Variants in SHQ1 observed in about 807,000 individuals in gnomAD.
SHQ1 encodes SHQ1, H/ACA ribonucleoprotein assembly factor.
Under a neutral mutation model 53.8 loss-of-function variants are expected in SHQ1, and 49 were observed. The ratio of observed to expected loss-of-function variants is 0.91; its 90% CI spans 0.72 to 1.16. The LOEUF is 1.16. SHQ1 is among the 50% of genes most tolerant of loss of function. The pLI is 0.00. For missense variants in SHQ1, 738 were observed against 683.1 expected (o/e 1.08, Z -0.90); for synonymous variants, 243 against 251.0 (o/e 0.97, Z 0.30).
intron 4 of SHQ1, among the ~76,000 whole-genome samples, chr3:72,835,686 T>C (rs1707972223): frequency 6.6e-6 from 1 of 152,174 alleles, no homozygotes; most frequent in African/African-American, 2.4e-5. Context: ...CAACCCCATG[T>C]TCACCGTCCT....
chr3:72,815,459 T>C lies in SHQ1; in HGVS notation c.883-56A>G, dbSNP rs77602064. The C allele has an allele frequency of 2.9e-3, 3,907 of 1,353,182 alleles. 74 individuals carry two copies. The African/African-American group carries it at 0.048, about 16-fold the overall frequency. 83.8% of individuals were successfully genotyped at this position (1,353,182 alleles called of 1,614,324 possible). ...CACATTAGAGGTGAAGTCATTTAAA[T>C]AGACCAAACAAATCCATTTATTCAA... On this transcript the variant is annotated intron_variant, in intron 7 of 10. Transcript: ENST00000325599.
chr3:72,837,599 T>C (rs2106944060), intron 4 of SHQ1, among the ~76,000 whole-genome samples: 1 of 152,356 alleles, frequency 6.6e-6, no homozygotes, highest in Non-Finnish European at 1.5e-5. Context: ...TCTCTTCATC[T>C]ATAGGCAGAA....
At chr3:72,734,536 G>A in the SHQ1 span, among the ~76,000 whole-genome samples, 136 of 151,610 alleles carry the variant, frequency 9.0e-4, 3 homozygotes, top group Non-Finnish European at 1.6e-3. Context: ...GATTGCAGGC[G>A]TGAGCCACTG....
chr3:72,737,426 G>A, the SHQ1 span, among the ~76,000 whole-genome samples: 1 of 152,070 alleles, frequency 6.6e-6, no homozygotes. Context: ...GGGGAAAGAT[G>A]CATCTTTGGG....
chr3:72,737,531 C>G, the SHQ1 span, among the ~76,000 whole-genome samples: 1 of 152,116 alleles, frequency 6.6e-6, no homozygotes, highest in Non-Finnish European at 1.5e-5. Context: ...GCGATTGGTT[C>G]CAGGACCCCC....
intron 9 of SHQ1, among the ~76,000 whole-genome samples, chr3:72,796,867 AT>A (rs1156425308): frequency 6.8e-6 from 1 of 147,438 alleles, no homozygotes; most frequent in South Asian, 2.1e-4. Context: ...ATGTCAAAAT[AT>A]TTTTTTAATT....
At chr3:72,739,144 G>C in the SHQ1 span, among the ~76,000 whole-genome samples, 1 of 152,226 alleles carries the variant, frequency 6.6e-6, no homozygotes, top group African/African-American at 2.4e-5. Context: ...TTGGCTTTCC[G>C]GGCCCTCGAG....
At chr3:72,778,702 A>C (rs923896442) in intron 10 of SHQ1, among the ~76,000 whole-genome samples, 5 of 152,228 alleles carry the variant, frequency 3.3e-5, no homozygotes, top group Non-Finnish European at 7.3e-5. Context: ...TAGTTCATTA[A>C]ATAATAAAGG....
chr3:72,757,201 T>C (rs193007518), intron 10 of SHQ1, among the ~76,000 whole-genome samples: 11 of 152,270 alleles, frequency 7.2e-5, no homozygotes, highest in Admixed American at 5.2e-4. Flanking sequence ...CTGCCAGGCA[T>C]GACATACTGA....
At chr3:72,781,053 C>CT (rs1289843504) in intron 10 of SHQ1, among the ~76,000 whole-genome samples, 1,681 of 141,614 alleles carry the variant, frequency 0.012, 29 homozygotes, top group African/African-American at 0.04. Flanking sequence ...ATTTTCTTCT[C>CT]TTTTTTTTTT....
chr3:72,744,316 G>A (rs1472627708), downstream of SHQ1, among the ~76,000 whole-genome samples: 1 of 152,194 alleles, frequency 6.6e-6, no homozygotes, highest in Non-Finnish European at 1.5e-5. Flanking sequence ...TATGGAGACA[G>A]AGCATTTGGA....
At chr3:72,739,266 C>T in the SHQ1 span, among the ~76,000 whole-genome samples, 58 of 152,314 alleles carry the variant, frequency 3.8e-4, no homozygotes, top group African/African-American at 1.3e-3. Context: ...GCCCCTCCCG[C>T]CCCCAGTACA....
chr3:72,836,562 T>C (rs950091106), intron 4 of SHQ1, among the ~76,000 whole-genome samples: 3 of 152,080 alleles, frequency 2.0e-5, no homozygotes, highest in Admixed American at 6.5e-5. Flanking sequence ...GCCTCCACTA[T>C]AGTCATGCAA....
chr3:72,738,555 A>C, the SHQ1 span, among the ~76,000 whole-genome samples: 2 of 152,024 alleles, frequency 1.3e-5, no homozygotes, highest in African/African-American at 4.8e-5. Context: ...GTGGGATGGG[A>C]GTGGGCAATC....
Position 72,752,353 on chromosome 3 carries a change from G to A in SHQ1, c.1182-1517C>T, listed in dbSNP as rs535261596. 2.0e-5 allele frequency among the ~76,000 whole-genome samples: 3 copies of A among 152,294 alleles called. No homozygotes were observed. The South Asian group carries it at 6.2e-4, about 32-fold the overall frequency. ...CTGTAAAGGAGATAAGGTGGGAACT[G>A]GAAATATGGGGGATGACACAGGATG... On this transcript the variant is annotated intron_variant, in intron 10 of 10. Coordinates refer to ENST00000325599, the MANE Select transcript of SHQ1 (RefSeq NM_018130.3).
At chr3:72,830,443 G>C (rs1234639294) in intron 5 of SHQ1, among the ~76,000 whole-genome samples, 1 of 151,742 alleles carries the variant, frequency 6.6e-6, no homozygotes, top group African/African-American at 2.4e-5. Flanking sequence ...TTATCTGCAT[G>C]GTGATAGTAA....
In SHQ1 at chr3:72,841,206, G is replaced by T. The variant is rs1430013597; in HGVS notation, c.332-7C>A. ...TCAGGAATCTCAGAAGCACCTGAATGTGTTAAATTTTAATTTTTTTTAAGT... is the reference window on the plus strand; with the variant it reads ...TCAGGAATCTCAGAAGCACCTGAATTTGTTAAATTTTAATTTTTTTTAAGT... On this transcript the variant is annotated splice_region_variant and splice_polypyrimidine_tract_variant and intron_variant, in intron 3 of 10. Transcript: ENST00000325599. 17 of 1,597,168 alleles carry T rather than the reference G, an allele frequency of 1.1e-5. No homozygotes were observed. Among genetic ancestry groups the T allele is most frequent in the Non-Finnish European group, 1.3e-5 (15 of 1,174,948 alleles).
At chr3:72,810,133 AGACAGG>A (rs1377757778) in intron 9 of SHQ1, among the ~76,000 whole-genome samples, 1 of 152,236 alleles carries the variant, frequency 6.6e-6, no homozygotes, top group Non-Finnish European at 1.5e-5. Context: ...GAAGAGACAG[AGACAGG>A]GGAAAAAAAA....
chr3:72,742,328 A>G, the SHQ1 span, among the ~76,000 whole-genome samples: 2 of 152,166 alleles, frequency 1.3e-5, no homozygotes, highest in Non-Finnish European at 2.9e-5. Context: ...CAAATTTACT[A>G]CAAAAACAGG....
Sources: allele counts gnomAD v4.1 joint callset (sites outside exome capture counted in the v4.1 genomes callset), GRCh38; gene constraint gnomAD v4.1.1; transcripts MANE v1.5; gene names NCBI Gene and HGNC (gene_info 2026-07-23, HGNC 2026-07-21).